The following PCDH15 variants were observed in gnomAD, a reference collection of about 807,000 sequenced individuals.
PCDH15 encodes the protein protocadherin related 15, also known as protocadherin-15.
PCDH15 carries 129 observed loss-of-function variants against 178.5 expected under a neutral mutation model. That is an observed-to-expected ratio of 0.72 (90% CI 0.63 to 0.84). The LOEUF (loss-of-function observed/expected upper bound fraction) is 0.84. Among genes scored for constraint, PCDH15 ranks in the 40% least tolerant of loss-of-function variants. The probability of loss-of-function intolerance (pLI) is 0.00; values close to 1 mark genes in which losing one functional copy is unlikely to be tolerated. For missense variants in PCDH15, 2,230 were observed against 2,099.9 expected (o/e 1.06, Z -1.21); for synonymous variants, 800 against 732.0 (o/e 1.09, Z -1.50).
intron 8 of PCDH15, among the ~76,000 whole-genome samples, chr10:54,250,432 G>A (rs1009107086): frequency 1.9e-4 from 29 of 151,524 alleles, no homozygotes; most frequent in African/African-American, 6.3e-4. Flanking sequence ...ACAGGCACCC[G>A]CCACCACGCC....
intron 1 of PCDH15, among the ~76,000 whole-genome samples, chr10:54,681,634 G>C (rs747492323): frequency 2.6e-5 from 4 of 152,134 alleles, no homozygotes; most frequent in Non-Finnish European, 4.4e-5. Context: ...TAGTGGAGGA[G>C]TGGGAACAAA....
intron 29 of PCDH15, among the ~76,000 whole-genome samples, chr10:53,835,763 A>G (rs959771568): frequency 1.1e-4 from 16 of 152,188 alleles, no homozygotes; most frequent in Non-Finnish European, 4.4e-5. Flanking sequence ...CAAAAAACAA[A>G]ACAAAACAAA....
At chr10:55,262,723 CA>C (rs1842178346) in intron 1 of PCDH15, among the ~76,000 whole-genome samples, 1 of 152,162 alleles carries the variant, frequency 6.6e-6, no homozygotes, top group Non-Finnish European at 1.5e-5. Context: ...TTTCACTCAA[CA>C]AAACCTTGCG....
chr10:55,150,520 C>T (rs1838680334), intron 2 of PCDH15, among the ~76,000 whole-genome samples: 1 of 151,872 alleles, frequency 6.6e-6, no homozygotes. Context: ...AAATATATTC[C>T]ACAGGTGAAT....
At chr10:54,927,503 C>G (rs1394764867) in intron 2 of PCDH15, among the ~76,000 whole-genome samples, 1 of 151,918 alleles carries the variant, frequency 6.6e-6, no homozygotes, top group Non-Finnish European at 1.5e-5. Flanking sequence ...AATTTTCTGC[C>G]TTGATGATCT....
intron 2 of PCDH15, among the ~76,000 whole-genome samples, chr10:54,901,177 G>A (rs1365286015): frequency 6.6e-6 from 1 of 152,028 alleles, no homozygotes; most frequent in Non-Finnish European, 1.5e-5. Flanking sequence ...CTGGTGTGGT[G>A]GCGTCTGTAT....
Position 54,214,883 on chromosome 10 carries a change from G to A in PCDH15, c.986-835C>T, listed in dbSNP as rs11004144. Among the ~76,000 whole-genome samples, 99 of 152,224 alleles carry A rather than the reference G, an allele frequency of 6.5e-4. 1 individual carries two copies. In the East Asian group the frequency reaches 0.017, roughly 26 times the overall value. ...TAGAATTACAGGTGTGAGCCACCAC[G>A]CCTAGCCAAGATGGTATTTCTTAAT... is the stretch of plus-strand genomic sequence containing the variant. On this transcript the variant is annotated intron_variant, in intron 9 of 37. Transcript: ENST00000644397.
intron 2 of PCDH15, among the ~76,000 whole-genome samples, chr10:55,618,286 T>C (rs1843518124): frequency 1.3e-5 from 2 of 152,088 alleles, no homozygotes; most frequent in Non-Finnish European, 2.9e-5. Flanking sequence ...GTAAACTTTT[T>C]TGATTATCCT....
chr10:53,964,653 G>A (rs2088799493), intron 21 of PCDH15, among the ~76,000 whole-genome samples: 1 of 152,036 alleles, frequency 6.6e-6, no homozygotes, highest in Non-Finnish European at 1.5e-5. Flanking sequence ...AACCTTGAAA[G>A]CATGTTAGGG....
chr10:55,528,170 G>T (rs946974785), intron 2 of PCDH15, among the ~76,000 whole-genome samples: 11 of 151,770 alleles, frequency 7.2e-5, no homozygotes, highest in Non-Finnish European at 1.2e-4. Context: ...TGGAGTGGCT[G>T]GGACTACAGG....
intron 2 of PCDH15, among the ~76,000 whole-genome samples, chr10:54,653,878 CACATT>C (rs2094318672): frequency 6.6e-6 from 1 of 152,142 alleles, no homozygotes; most frequent in Non-Finnish European, 1.5e-5. Context: ...AATAATTGTG[CACATT>C]ACATATTTTG....
intron 21 of PCDH15, among the ~76,000 whole-genome samples, chr10:53,985,473 T>C (rs1177989878): frequency 6.6e-6 from 1 of 152,110 alleles, no homozygotes; most frequent in Non-Finnish European, 1.5e-5. Context: ...AAAGATGGCT[T>C]GAGGTTGGAG....
chr10:55,083,678 T>G (rs1591889436), intron 2 of PCDH15, among the ~76,000 whole-genome samples: 1 of 151,828 alleles, frequency 6.6e-6, no homozygotes, highest in Admixed American at 6.6e-5. Context: ...AAAGACTTCA[T>G]ACAATAAAAC....
At chr10:54,554,346 G>C (rs997370650) in intron 2 of PCDH15, among the ~76,000 whole-genome samples, 1 of 152,126 alleles carries the variant, frequency 6.6e-6, no homozygotes, top group African/African-American at 2.4e-5. Flanking sequence ...CAATGTAAAA[G>C]TCTGGACAAA....
At chr10:55,454,780 CAA>C (rs10606669) in intron 2 of PCDH15, among the ~76,000 whole-genome samples, 64,089 of 97,896 alleles carry the variant, frequency 0.65, 18,782 homozygotes, top group East Asian at 0.85. Context: ...GACTCTGTCT[CAA>C]AAAAAAAAAA....
chr10:54,842,107 A>G (rs2133762137), intron 3 of PCDH15, among the ~76,000 whole-genome samples: 1 of 152,024 alleles, frequency 6.6e-6, no homozygotes, highest in South Asian at 2.1e-4. Flanking sequence ...TGTAACTACA[A>G]AATTCATAAA....
intron 2 of PCDH15, among the ~76,000 whole-genome samples, chr10:55,601,086 A>G (rs568109112): frequency 6.6e-6 from 1 of 152,218 alleles, no homozygotes; most frequent in South Asian, 2.1e-4. Flanking sequence ...AGGAGCTTTT[A>G]CAATGCTCCA....
rs928448100 is a variant in PCDH15, at chr10:54,725,342, C to A, written c.-28-61052G>T. ...AATATTTAAATTATACAGTAATGAG[C>A]GAAATTTAGTAATGAACTGAAGTTT... On this transcript the variant is annotated intron_variant, in intron 1 of 37. Coordinates refer to ENST00000644397, the MANE Select transcript of PCDH15 (RefSeq NM_001384140.1). Among the ~76,000 whole-genome samples the A allele has an allele frequency of 2.0e-5, 3 of 150,256 alleles. No homozygotes were observed. The East Asian group carries it at 5.9e-4, about 29-fold the overall frequency.
chr10:54,048,881 G>GTT, intron 18 of PCDH15, among the ~76,000 whole-genome samples: 1 of 146,170 alleles, frequency 6.8e-6, no homozygotes, highest in Middle Eastern at 3.5e-3. Context: ...TTTCAGAACA[G>GTT]TTTTTTTTTT....
Sources: gnomAD v4.1 joint callset for allele counts (sites outside exome capture counted in the v4.1 genomes callset) on GRCh38, gnomAD v4.1.1 for gene constraint, MANE v1.5 for transcripts, NCBI Gene and HGNC (gene_info 2026-07-23, HGNC 2026-07-21) for gene names.